Variants in SERP1 observed in about 807,000 individuals in gnomAD.
SERP1 encodes the protein stress associated endoplasmic reticulum protein 1.
In SERP1, 6 loss-of-function variants were observed where a neutral mutation model predicts 8.8. The observed-to-expected ratio is 0.68, with a 90% confidence interval of 0.37 to 1.35. SERP1 has a LOEUF of 1.35. Ranked by LOEUF, SERP1 falls within the 40% of genes most tolerant of loss-of-function variation. The pLI is 0.02. For missense variants in SERP1, 52 were observed against 86.2 expected (o/e 0.60, Z 1.57); for synonymous variants, 36 against 28.7 (o/e 1.25, Z -0.81).
chr3:150,545,618 AG>A, intron 2 of SERP1, 84 bp downstream of exon 2: 1 of 1,261,570 alleles, frequency 7.9e-7, no homozygotes, highest in Non-Finnish European at 1.1e-6. Context: ...CTACGCAGGT[AG>A]GACTCACTAC....
rs1351714101 is a variant in SERP1, at chr3:150,542,742, G to A, written c.*1716C>T. ...TAAAAAACACAAACAACAACTTAAAGCCAAATATCTATAGTAAACCAAGGA... is the reference window on the plus strand; with the variant it reads ...TAAAAAACACAAACAACAACTTAAAACCAAATATCTATAGTAAACCAAGGA... On this transcript the variant is annotated 3_prime_UTR_variant, in exon 3 of 3. Coordinates refer to ENST00000239944, the MANE Select transcript of SERP1 (RefSeq NM_014445.4). The A allele has an allele frequency of 6.6e-6, 1 of 152,480 alleles. No homozygotes were observed. The highest frequency in any genetic ancestry group is 1.5e-5 in the Non-Finnish European group (1 of 67,998). The allele number at this position is 152,480 out of a possible 1,614,324, so 9.4% of individuals were successfully genotyped here. A position where few individuals can be genotyped will look rare whatever the true frequency, so the allele number is the denominator to read the frequency against.
In SERP1 at chr3:150,546,161, G is replaced by C. The variant is rs1436077206; in HGVS notation, c.-26C>G. 1 of 1,609,680 alleles carries C rather than the reference G, an allele frequency of 6.2e-7. No individual in the cohort carries two copies. ...CTTCGCGGCGCCACCACCTGCCCCG[G>C]CCACCCCTCGGACTCGCTCACTCGC... On this transcript the variant is annotated 5_prime_UTR_variant, in exon 1 of 3. Coordinates refer to ENST00000239944, the MANE Select transcript of SERP1 (RefSeq NM_014445.4).
chr3:150,545,647 A>T (rs1460125762), intron 2 of SERP1, 56 bp downstream of exon 2: 4 of 1,533,488 alleles, frequency 2.6e-6, no homozygotes, highest in Admixed American at 1.9e-5. Context: ...TCACCACGTC[A>T]TCCCAAATCC....
At chr3:150,545,921 G>T in intron 1 of SERP1, 131 bp downstream of exon 1, 1 of 1,382,494 alleles carries the variant, frequency 7.2e-7, no homozygotes, top group South Asian at 1.3e-5. Flanking sequence ...GCGGTTCGCA[G>T]ACTCGGGCCC....
At position 150,543,038 on chromosome 3, in the gene SERP1, G is replaced by A. The variant is rs1722906652; in HGVS notation, c.*1420C>T. ...CTCCCTTACTGTTCTCCATGTTTGA[G>A]GGTATCAGAAGCCCCCTGTGAGGTT... On this transcript the variant is annotated 3_prime_UTR_variant, in exon 3 of 3. Coordinates refer to ENST00000239944, the MANE Select transcript of SERP1 (RefSeq NM_014445.4). 6.5e-6 allele frequency: 1 copy of A among 152,722 alleles called. No individual in the cohort carries two copies. The highest frequency in any genetic ancestry group is 2.4e-5 in the African/African-American group (1 of 41,576). The allele number at this position is 152,722 out of a possible 1,614,324, so 9.5% of individuals were successfully genotyped here.
Position 150,544,648 on chromosome 3 carries a change from G to T in SERP1, c.161-150C>A, listed in dbSNP as rs966298221. 12 of 548,740 alleles carry T rather than the reference G, an allele frequency of 2.2e-5. No homozygotes were observed. In the Admixed American group the frequency reaches 2.2e-4, roughly 10 times the overall value. The allele number at this position is 548,740 out of a possible 1,614,324, so 34.0% of individuals were successfully genotyped here. A position where few individuals can be genotyped will look rare whatever the true frequency, so the allele number is the denominator to read the frequency against. ...TTCAGTATAATAAGAAGTGAAGACA[G>T]GCCTGTCTGAATAAATAAAACAATG... On this transcript the variant is annotated intron_variant, in intron 2 of 2. Transcript: ENST00000239944.
chr3:150,546,127 G>C lies in SERP1; in HGVS notation c.9C>G (p.Ala3=), dbSNP rs142470185. MV[A]KQRIRMANEK... is the part of the protein sequence containing the mutation. ...CGTTGGCCATACGGATCCTTTGCTT[G>C]GCGACCATCTTCGCGGCGCCACCAC... The change falls in exon 1 of 3, where the codon GCC becomes GCG. Residue 3 remains alanine, a synonymous_variant. Transcript: ENST00000239944. The C allele has an allele frequency of 5.9e-4, 951 of 1,613,472 alleles. 8 individuals are homozygous for C. The African/African-American group carries it at 0.012, about 20-fold the overall frequency.
intron 2 of SERP1, 124 bp downstream of exon 2, chr3:150,545,579 T>C (rs1289694371): frequency 1.1e-6 from 1 of 878,942 alleles, no homozygotes; most frequent in Middle Eastern, 2.2e-4. Context: ...AACAGAATTA[T>C]GTGGAGTCCT....
At position 150,544,479 on chromosome 3, in the gene SERP1, T is replaced by C. The variant is rs770023979; in HGVS notation, c.180A>G (p.Gln60=). 20 of 1,612,646 alleles carry C rather than the reference T, an allele frequency of 1.2e-5. No homozygotes were observed. In the Admixed American group the frequency reaches 1.3e-4, roughly 11 times the overall value. ...CACTTCACATGCCCATCCTGATACTTTGAATAATCTGGAAAATTGCTGTAA... is the reference window on the plus strand; with the variant it reads ...CACTTCACATGCCCATCCTGATACTCTGAATAATCTGGAAAATTGCTGTAA... ...VCGSAIFQII[Q]SIRMGM Residue 60 remains glutamine, a synonymous_variant, in exon 3 of 3, where the codon CAA becomes CAG. Coordinates refer to ENST00000239944, the MANE Select transcript of SERP1 (RefSeq NM_014445.4).
At chr3:150,544,686 G>A (rs1197900311) in intron 2 of SERP1, among the ~76,000 whole-genome samples, 188 bp from the exon 3 acceptor site, 1 of 152,176 alleles carries the variant, frequency 6.6e-6, no homozygotes, top group African/African-American at 2.4e-5. Flanking sequence ...ATATCCCTGA[G>A]TTATTTTTTT....
chr3:150,543,286 T>G lies in SERP1; in HGVS notation c.*1172A>C, dbSNP rs1722913009. The G allele has an allele frequency of 6.6e-6, 1 of 152,490 alleles. No individual in the cohort carries two copies. The highest frequency in any genetic ancestry group is 2.4e-5 in the African/African-American group (1 of 41,412). The allele number at this position is 152,490 out of a possible 1,614,324, so 9.4% of individuals were successfully genotyped here. ...CAACAGTACTAGAAAACCCAAAACC[T>G]GCCCTATGACCCTCACCCTTACCAT... is the stretch of plus-strand genomic sequence containing the variant. On this transcript the variant is annotated 3_prime_UTR_variant, in exon 3 of 3. Coordinates refer to ENST00000239944, the MANE Select transcript of SERP1 (RefSeq NM_014445.4).
At chr3:150,545,620 G>C (rs1293798088) in intron 2 of SERP1, 83 bp downstream of exon 2, 1 of 1,280,070 alleles carries the variant, frequency 7.8e-7, no homozygotes, top group African/African-American at 1.5e-5. Context: ...ACGCAGGTAG[G>C]ACTCACTACT....
Position 150,542,383 on chromosome 3 carries a change from A to C in SERP1, c.*2075T>G, listed in dbSNP as rs1722893543. The C allele has an allele frequency of 6.6e-6, 1 of 152,204 alleles. No homozygotes were observed. Among genetic ancestry groups the C allele is most frequent in the African/African-American group, 2.4e-5 (1 of 41,458 alleles). The allele number at this position is 152,204 out of a possible 1,614,324, so 9.4% of individuals were successfully genotyped here. A position where few individuals can be genotyped will look rare whatever the true frequency, so the allele number is the denominator to read the frequency against. On this transcript the variant is annotated 3_prime_UTR_variant, in exon 3 of 3. Coordinates refer to ENST00000239944, the MANE Select transcript of SERP1 (RefSeq NM_014445.4). ...TTCTTACCACCTATTTCCAGTTATAAACCTTACATCTGTGCCTCTGCATAC... is the reference window on the plus strand; with the variant it reads ...TTCTTACCACCTATTTCCAGTTATACACCTTACATCTGTGCCTCTGCATAC...
rs909452749 is a variant in SERP1, at chr3:150,543,106, T to A, written c.*1352A>T. On this transcript the variant is annotated 3_prime_UTR_variant, in exon 3 of 3. Coordinates refer to ENST00000239944, the MANE Select transcript of SERP1 (RefSeq NM_014445.4). The stretch of plus-strand genomic sequence containing the variant: ...AGGTAGCAGATTTCCCTTCTGTTCC[T>A]CTTAAAACAGCTTATTTTAAAAGAA... 4 of 152,606 alleles carry A rather than the reference T, an allele frequency of 2.6e-5. No homozygotes were observed. The highest frequency in any genetic ancestry group is 5.9e-5 in the Non-Finnish European group (4 of 68,008). The allele number at this position is 152,606 out of a possible 1,614,324, so 9.5% of individuals were successfully genotyped here.
Position 150,542,228 on chromosome 3 carries a change from G to A in SERP1, c.*2230C>T, listed in dbSNP as rs150254686. 5.7e-4 allele frequency: 87 copies of A among 152,296 alleles called. No homozygotes were observed. In the East Asian group the frequency reaches 0.011, roughly 19 times the overall value. The allele number at this position is 152,296 out of a possible 1,614,324, so 9.4% of individuals were successfully genotyped here. ...TCTCATACTGTGCTCAACATTAGAT[G>A]ATCTATAAAATTCAACTGGCAAAGG... is the stretch of plus-strand genomic sequence containing the variant. On this transcript the variant is annotated 3_prime_UTR_variant, in exon 3 of 3. Transcript: ENST00000239944.
At chr3:150,545,614 A>G (rs1280219875) in intron 2 of SERP1, 89 bp downstream of exon 2, 3 of 1,210,318 alleles carry the variant, frequency 2.5e-6, no homozygotes, top group East Asian at 5.1e-5. Context: ...AGAACTACGC[A>G]GGTAGGACTC....
In SERP1 at chr3:150,543,362, G is replaced by A. The variant is rs2107885344; in HGVS notation, c.*1096C>T. ...ATAACCTATAAAGTCATATAACAAA[G>A]GGAAGACTAAAGACTGATCATTATC... is the stretch of plus-strand genomic sequence containing the variant. On this transcript the variant is annotated 3_prime_UTR_variant, in exon 3 of 3. Coordinates refer to ENST00000239944, the MANE Select transcript of SERP1 (RefSeq NM_014445.4). The A allele has an allele frequency of 6.6e-6, 1 of 152,534 alleles. No homozygotes were observed. Among genetic ancestry groups the A allele is most frequent in the Non-Finnish European group, 1.5e-5 (1 of 67,990 alleles). The allele number at this position is 152,534 out of a possible 1,614,324, so 9.4% of individuals were successfully genotyped here. A position where few individuals can be genotyped will look rare whatever the true frequency, so the allele number is the denominator to read the frequency against.
Position 150,544,511 on chromosome 3 carries a change from A to G in SERP1, c.161-13T>C. ...ATCTGGAAAATTGCTGTAAAAAGAA[A>G]GAGCAAATATTAAAATAAGCTTTGA... On this transcript the variant is annotated splice_polypyrimidine_tract_variant and intron_variant, in intron 2 of 2. Transcript: ENST00000239944. 2 of 1,604,928 alleles carry G rather than the reference A, an allele frequency of 1.2e-6. No homozygotes were observed. The highest frequency in any genetic ancestry group is 1.7e-6 in the Non-Finnish European group (2 of 1,172,320).
In SERP1 at chr3:150,544,213, C is replaced by A; in HGVS notation, c.*245G>T. 1 of 500,106 alleles carries A rather than the reference C, an allele frequency of 2.0e-6. No individual in the cohort carries two copies. The highest frequency in any genetic ancestry group is 3.6e-6 in the Non-Finnish European group (1 of 278,724). The allele number at this position is 500,106 out of a possible 1,614,324, so 31.0% of individuals were successfully genotyped here. A position where few individuals can be genotyped will look rare whatever the true frequency, so the allele number is the denominator to read the frequency against. Reference sequence around the variant, plus strand: ...TTGACTGAATAAGTAGGGTCCACTACTGTATCTTAACAATCAAATTTTATT... The same window carrying A: ...TTGACTGAATAAGTAGGGTCCACTAATGTATCTTAACAATCAAATTTTATT... On this transcript the variant is annotated 3_prime_UTR_variant, in exon 3 of 3. Coordinates refer to ENST00000239944, the MANE Select transcript of SERP1 (RefSeq NM_014445.4).
Sources: allele counts gnomAD v4.1 joint callset (sites outside exome capture counted in the v4.1 genomes callset), GRCh38; gene constraint gnomAD v4.1.1; transcripts MANE v1.5; gene names NCBI Gene and HGNC (gene_info 2026-07-23, HGNC 2026-07-21).